PRRC1: variants seen among roughly 807,000 people sequenced by gnomAD.
The protein encoded by PRRC1 is proline rich coiled-coil 1, also known as protein PRRC1.
A neutral mutation model predicts 40.7 loss-of-function variants in PRRC1; 39 were observed. That is an observed-to-expected ratio of 0.96 (90% confidence interval 0.74 to 1.25). PRRC1 has a LOEUF of 1.25. Among genes scored for constraint, PRRC1 ranks in the 50% most tolerant of loss-of-function variants. The probability of loss-of-function intolerance (pLI) is 0.00; values close to 1 mark genes in which losing one functional copy is unlikely to be tolerated. For synonymous variants in PRRC1, 175 were observed against 193.3 expected, an observed-to-expected ratio of 0.91 and a Z score of 0.79; for missense variants, 573 against 548.3, an observed-to-expected ratio of 1.05 and a Z score of -0.45.
Position 127,530,302 on chromosome 5 carries a change from T to A in PRRC1, c.663T>A (p.Ala221=). The change falls in exon 5 of 9, where the codon GCT becomes GCA. Residue 221 remains alanine, a synonymous_variant. Coordinates refer to ENST00000296666, the MANE Select transcript of PRRC1 (RefSeq NM_130809.5). ...GGIWGFIKGV[A]GNPMVKSVLD... ...TGATTTGTTTTATGCAGGGTGTGGC[T>A]GGGAATCCTATGGTGAAGTCTGTGC... The A allele has an allele frequency of 1.9e-6, 3 of 1,613,686 alleles. No homozygotes were observed. Among genetic ancestry groups the A allele is most frequent in the Non-Finnish European group, 2.5e-6 (3 of 1,179,658 alleles).
chr5:127,548,103 T>A (rs1768275719), intron 8 of PRRC1, 182 bp downstream of exon 8: 2 of 644,208 alleles, frequency 3.1e-6, no homozygotes, highest in Non-Finnish European at 5.5e-6. Context: ...TTTAGTACCT[T>A]CCTCCTTTTG....
chr5:127,530,768 T>C (rs1030393308), intron 5 of PRRC1, among the ~76,000 whole-genome samples: 1 of 151,616 alleles, frequency 6.6e-6, no homozygotes, highest in African/African-American at 2.4e-5. Flanking sequence ...TTTACATTTC[T>C]CCTGTTATCT....
chr5:127,541,854 G>T (rs1561686042), intron 7 of PRRC1, among the ~76,000 whole-genome samples: 3 of 151,548 alleles, frequency 2.0e-5, no homozygotes, highest in Non-Finnish European at 4.4e-5. Context: ...TTTTTGAAGG[G>T]TTTTTTGTGT....
chr5:127,535,177 TTTTA>T (rs1311640844), intron 6 of PRRC1, among the ~76,000 whole-genome samples: 1 of 152,208 alleles, frequency 6.6e-6, no homozygotes, highest in Non-Finnish European at 1.5e-5. Flanking sequence ...TTAAATACAT[TTTTA>T]TACACATACA....
At position 127,552,895 on chromosome 5, in the gene PRRC1, T is replaced by C. The variant is rs1768429379; in HGVS notation, c.*979T>C. 1.0e-6 allele frequency: 1 copy of C among 953,338 alleles called. No homozygotes were observed. The highest frequency in any genetic ancestry group is 6.2e-5 in the Admixed American group (1 of 16,232). The allele number at this position is 953,338 out of a possible 1,614,324, so 59.1% of individuals were successfully genotyped here. A position where few individuals can be genotyped will look rare whatever the true frequency, so the allele number is the denominator to read the frequency against. On this transcript the variant is annotated 3_prime_UTR_variant, in exon 9 of 9. Transcript: ENST00000296666. The stretch of plus-strand genomic sequence containing the variant: ...TTTTAACTTTGTGCCATTTGGTCTT[T>C]ACTTTTTATGGATGTTTTCAAAGAA...
In PRRC1 at chr5:127,533,678, T is replaced by A; in HGVS notation, c.813T>A (p.Ala271=). The A allele has an allele frequency of 1.2e-6, 2 of 1,614,148 alleles. No individual in the cohort carries two copies. Among genetic ancestry groups the A allele is most frequent in the Non-Finnish European group, 1.7e-6 (2 of 1,179,998 alleles). The change falls in exon 6 of 9, where the codon GCT becomes GCA. Residue 271 remains alanine, a synonymous_variant. Coordinates refer to ENST00000296666, the MANE Select transcript of PRRC1 (RefSeq NM_130809.5). ...CCTCAAATAAAGAAGTAAAAGTTGC[T>A]GCTGTCCGAGATGCCTTCCAGGAGG... ...VVTSNKEVKV[A]AVRDAFQEVF... is the part of the protein sequence containing the mutation.
chr5:127,551,531 C>CATTG (rs1204542150), intron 8 of PRRC1, 176 bp from the exon 9 acceptor site: 4 of 641,046 alleles, frequency 6.2e-6, no homozygotes, highest in Non-Finnish European at 1.1e-5. Context: ...TGTAATGTTA[C>CATTG]ATTGATTGTG....
Position 127,547,939 on chromosome 5 carries a change from C to G in PRRC1, c.1128+18C>G. On this transcript the variant is annotated intron_variant, in intron 8 of 8. Transcript: ENST00000296666. Reference sequence around the variant, plus strand: ...TACAGCAGGTTGGTTTTCTCCTTTGCTTTTTCATTATGCTCCAGAGAAACT... The same window carrying G: ...TACAGCAGGTTGGTTTTCTCCTTTGGTTTTTCATTATGCTCCAGAGAAACT... 1.3e-6 allele frequency: 2 copies of G among 1,500,040 alleles called. No individual in the cohort carries two copies. The highest frequency in any genetic ancestry group is 1.9e-6 in the Non-Finnish European group (2 of 1,075,910). 92.9% of individuals were successfully genotyped at this position (1,500,040 alleles called of 1,614,324 possible).
intron 5 of PRRC1, among the ~76,000 whole-genome samples, chr5:127,532,830 C>T (rs969932067): frequency 3.3e-5 from 5 of 152,136 alleles, no homozygotes; most frequent in Non-Finnish European, 7.4e-5. Context: ...TGAAAAATCT[C>T]TTTTGCCGGT....
chr5:127,554,355 G>GT lies in PRRC1; in HGVS notation c.*2441dup, dbSNP rs1295520510. The GT allele has an allele frequency of 1.3e-5, 2 of 152,146 alleles. No homozygotes were observed. The highest frequency in any genetic ancestry group is 4.8e-5 in the African/African-American group (2 of 41,400). 9.4% of individuals were successfully genotyped at this position (152,146 alleles called of 1,614,324 possible). On this transcript the variant is annotated 3_prime_UTR_variant, in exon 9 of 9. Coordinates refer to ENST00000296666, the MANE Select transcript of PRRC1 (RefSeq NM_130809.5). The stretch of plus-strand genomic sequence containing the variant: ...ATCTTTAATATAGTTCTTCACCACT[G>GT]TTGGGGTTGTTTTGTGATTTTTTTT...
chr5:127,531,319 C>T (rs1466747462), intron 5 of PRRC1, among the ~76,000 whole-genome samples: 3 of 152,166 alleles, frequency 2.0e-5, no homozygotes, highest in Non-Finnish European at 4.4e-5. Context: ...TGAACTCATG[C>T]TCAATTTTTT....
intron 5 of PRRC1, among the ~76,000 whole-genome samples, chr5:127,531,671 G>A (rs1767776794): frequency 8.3e-6 from 1 of 120,526 alleles, no homozygotes. Flanking sequence ...CACTCAGACT[G>A]GAGTGCAGTG....
At chr5:127,547,095 C>T (rs1327096146) in intron 7 of PRRC1, among the ~76,000 whole-genome samples, 1 of 151,898 alleles carries the variant, frequency 6.6e-6, no homozygotes, top group Non-Finnish European at 1.5e-5. Context: ...AAACATTTTC[C>T]TGCTTCATAT....
At chr5:127,526,272 G>A (rs911708844) in intron 3 of PRRC1, among the ~76,000 whole-genome samples, 1 of 152,132 alleles carries the variant, frequency 6.6e-6, no homozygotes, top group Non-Finnish European at 1.5e-5. Context: ...ATAATTGTGT[G>A]CTTTTTTGTG....
In PRRC1 at chr5:127,552,630, G is replaced by A; in HGVS notation, c.*714G>A. ...TTTATTTTTTCATTGCTATATGACA[G>A]CTAAGGGGCAAATGATTCAAGTATA... On this transcript the variant is annotated 3_prime_UTR_variant, in exon 9 of 9. Coordinates refer to ENST00000296666, the MANE Select transcript of PRRC1 (RefSeq NM_130809.5). The A allele has an allele frequency of 3.1e-6, 3 of 978,098 alleles. No individual in the cohort carries two copies. The highest frequency in any genetic ancestry group is 5.3e-4 in the Middle Eastern group (1 of 1,900). The allele number at this position is 978,098 out of a possible 1,614,324, so 60.6% of individuals were successfully genotyped here.
intron 7 of PRRC1, among the ~76,000 whole-genome samples, chr5:127,540,315 T>C (rs1157070575): frequency 3.3e-5 from 5 of 152,144 alleles, no homozygotes; most frequent in African/African-American, 9.6e-5. Flanking sequence ...AAATTATAAC[T>C]TGTGATAATA....
intron 6 of PRRC1, 42 bp from the exon 7 acceptor site, chr5:127,538,998 A>G: frequency 2.1e-6 from 3 of 1,398,530 alleles, no homozygotes; most frequent in Non-Finnish European, 3.0e-6. Context: ...TTTAATATGT[A>G]ATAATTTGAA....
At chr5:127,521,499 C>T (rs919644110) in intron 1 of PRRC1, among the ~76,000 whole-genome samples, 1 of 152,208 alleles carries the variant, frequency 6.6e-6, no homozygotes, top group Non-Finnish European at 1.5e-5. Context: ...ACCCCTTCCC[C>T]TCCCTTGTTC....
intron 6 of PRRC1, among the ~76,000 whole-genome samples, chr5:127,538,287 T>C (rs1269773645): frequency 6.6e-6 from 1 of 152,050 alleles, no homozygotes; most frequent in African/African-American, 2.4e-5. Context: ...TATTGTCTGT[T>C]TACCTCTGCT....
Sources: allele counts gnomAD v4.1 joint callset (sites outside exome capture counted in the v4.1 genomes callset), GRCh38; gene constraint gnomAD v4.1.1; transcripts MANE v1.5; gene names NCBI Gene and HGNC (gene_info 2026-07-23, HGNC 2026-07-21).